The following KRTAP5-7 variants were observed in gnomAD, a reference collection of about 807,000 sequenced individuals.
KRTAP5-7 encodes keratin-associated protein 5-7.
KRTAP5-7 carries 1 observed loss-of-function variant against 2.4 expected under a neutral mutation model. The ratio of observed to expected loss-of-function variants is 0.42; its 90% CI spans 0.15 to 2.01. The LOEUF is 2.01. Ranked by LOEUF, KRTAP5-7 falls within the 30% of genes most tolerant of loss-of-function variation. KRTAP5-7 has a pLI of 0.29. For missense variants in KRTAP5-7, 161 were observed against 200.8 expected (o/e 0.80, Z 1.20); for synonymous variants, 55 against 80.8 (o/e 0.68, Z 1.71).
Position 71,527,973 on chromosome 11 carries a change from T to A in KRTAP5-7, c.*175T>A. ...TCCACCCTAATTAATGTCCATTCCC[T>A]CCTAACAAATTCTCTTCCCAAGTCA... On this transcript the variant is annotated 3_prime_UTR_variant, in exon 1 of 1. Coordinates refer to ENST00000398536, the MANE Select transcript of KRTAP5-7 (RefSeq NM_001012503.2). The A allele has an allele frequency of 1.6e-6, 2 of 1,240,024 alleles. No individual in the cohort carries two copies. Among genetic ancestry groups the A allele is most frequent in the East Asian group, 2.4e-5 (1 of 41,218 alleles). 76.8% of individuals were successfully genotyped at this position (1,240,024 alleles called of 1,614,324 possible).
chr11:71,527,388 G>A lies in KRTAP5-7; in HGVS notation c.88G>A (p.Gly30Arg), dbSNP rs751838090. Residue 30 changes from glycine to arginine, a missense_variant, in exon 1 of 1, where the codon GGA becomes AGA. Transcript: ENST00000398536. ...TGGGGGCTGTGGCTCTGGCTGTGGG[G>A]GATGTGGCTCCAGCTGCTGTGTGCC... Reference protein sequence around the residue: ...GCGGCGSGCGGCGSSCCVPVC... With the variant: ...GCGGCGSGCGRCGSSCCVPVC... 21 of 1,611,622 alleles carry A rather than the reference G, an allele frequency of 1.3e-5. No homozygotes were observed. In the African/African-American group the frequency reaches 2.7e-4, roughly 21 times the overall value.
chr11:71,527,918 C>A lies in KRTAP5-7; in HGVS notation c.*120C>A. 6.5e-7 allele frequency: 1 copy of A among 1,536,230 alleles called. No individual in the cohort carries two copies. ...GTCCATTCCTCACTATAAGATGAAG[C>A]CATATCTGCCTGCCTTTTCCTAAGG... On this transcript the variant is annotated 3_prime_UTR_variant, in exon 1 of 1. Coordinates refer to ENST00000398536, the MANE Select transcript of KRTAP5-7 (RefSeq NM_001012503.2).
chr11:71,528,142 G>A lies in KRTAP5-7; in HGVS notation c.*344G>A, dbSNP rs1565617011. 2 of 414,254 alleles carry A rather than the reference G, an allele frequency of 4.8e-6. No individual in the cohort carries two copies. The highest frequency in any genetic ancestry group is 9.1e-6 in the Non-Finnish European group (2 of 219,526). 25.7% of individuals were successfully genotyped at this position (414,254 alleles called of 1,614,324 possible). ...ATGAGTGTCCCACCTGCAACAAGGT[G>A]GGCGTTTAAGAGGCTTCCTTGGAGT... is the stretch of plus-strand genomic sequence containing the variant. On this transcript the variant is annotated 3_prime_UTR_variant, in exon 1 of 1. Transcript: ENST00000398536.
Position 71,527,584 on chromosome 11 carries a change from G to A in KRTAP5-7, c.284G>A (p.Cys95Tyr). 6.2e-7 allele frequency: 1 copy of A among 1,608,846 alleles called. No homozygotes were observed. Among genetic ancestry groups the A allele is most frequent in the Non-Finnish European group, 8.5e-7 (1 of 1,177,630 alleles). The change falls in exon 1 of 1, where the codon TGC (cysteine) becomes TAC (tyrosine). Residue 95 changes from cysteine to tyrosine, a missense_variant. Cys to Tyr is a radical substitution (Grantham distance 194). This residue lies in a region of KRTAP5-7 where 17 missense variants were observed against 26.8 expected (regional missense o/e 0.63). Transcript: ENST00000398536. ...TGTGGTTCTTGTGGCTGCTCCCAGT[G>A]CAGCTGCTATAAGCCCTGCTGCTGC... is the stretch of plus-strand genomic sequence containing the variant. The part of the protein sequence containing the change: ...GGCGSCGCSQ[C>Y]SCYKPCCCSS...
rs200121713 is a variant in KRTAP5-7 at position 71,527,775 on chromosome 11, G to A, written c.475G>A (p.Val159Met). The change falls in exon 1 of 1, where the codon GTG becomes ATG. Residue 159 changes from valine to methionine, a missense_variant. Coordinates refer to ENST00000398536, the MANE Select transcript of KRTAP5-7 (RefSeq NM_001012503.2). Reference protein sequence around the residue: ...CCSQSSCCVPVCCQCKI With the variant: ...CCSQSSCCVPMCCQCKI Reference sequence around the variant, plus strand: ...CTCCCAGTCTAGCTGCTGTGTCCCCGTGTGCTGCCAGTGTAAGATCTGAGG... The same window carrying A: ...CTCCCAGTCTAGCTGCTGTGTCCCCATGTGCTGCCAGTGTAAGATCTGAGG... 2.4e-5 allele frequency: 38 copies of A among 1,564,494 alleles called. No homozygotes were observed. The highest frequency in any genetic ancestry group is 1.7e-4 in the Middle Eastern group (1 of 5,842).
rs1243129010 is a variant in KRTAP5-7, at chr11:71,527,721, T to C, written c.421T>C (p.Cys141Arg). ...CCSSGCGSSC[C>R]QSSCCNPCCS... is the part of the protein sequence containing the mutation. Reference sequence around the variant, plus strand: ...TTCCTCAGGCTGTGGGTCATCCTGCTGCCAGTCCAGTTGCTGCAATCCCTG... The same window carrying C: ...TTCCTCAGGCTGTGGGTCATCCTGCCGCCAGTCCAGTTGCTGCAATCCCTG... Residue 141 changes from cysteine to arginine, a missense_variant, in exon 1 of 1, where the codon TGC becomes CGC. Physicochemically the swap from Cys to Arg is radical, Grantham distance 180 (BLOSUM62 -3). Coordinates refer to ENST00000398536, the MANE Select transcript of KRTAP5-7 (RefSeq NM_001012503.2). The C allele has an allele frequency of 1.2e-6, 2 of 1,611,952 alleles. No homozygotes were observed. The highest frequency in any genetic ancestry group is 8.5e-7 in the Non-Finnish European group (1 of 1,178,822).
Position 71,528,172 on chromosome 11 carries a change from T to G in KRTAP5-7, c.*374T>G. 1 of 365,804 alleles carries G rather than the reference T, an allele frequency of 2.7e-6. No homozygotes were observed. The highest frequency in any genetic ancestry group is 5.3e-6 in the Non-Finnish European group (1 of 189,452). The allele number at this position is 365,804 out of a possible 1,614,324, so 22.7% of individuals were successfully genotyped here. On this transcript the variant is annotated 3_prime_UTR_variant, in exon 1 of 1. Coordinates refer to ENST00000398536, the MANE Select transcript of KRTAP5-7 (RefSeq NM_001012503.2). ...TTTAAGAGGCTTCCTTGGAGTGGCT[T>G]TGCCTGTCCAACACTCTGCTTTATC...
Position 71,527,492 on chromosome 11 carries a change from G to T in KRTAP5-7, c.192G>T (p.Lys64Asn). 1 of 1,544,038 alleles carries T rather than the reference G, an allele frequency of 6.5e-7. No homozygotes were observed. Among genetic ancestry groups the T allele is most frequent in the African/African-American group, 1.4e-5 (1 of 73,856 alleles). Residue 64 changes from lysine to asparagine, a missense_variant, in exon 1 of 1, where the codon AAG becomes AAT. Physicochemically the swap from Lys to Asn is moderately conservative, Grantham distance 94. Transcript: ENST00000398536. ...GCTGTGGCTCCTGTGGGGGCTCCAA[G>T]GGAGGCTGTGGCTCCTGTGGGGGCT... ...CSSCGSCGGS[K>N]GGCGSCGGSK...
Position 71,527,573 on chromosome 11 carries a change from C to T in KRTAP5-7, c.273C>T (p.Gly91=), listed in dbSNP as rs1250701564. Residue 91 remains glycine (G), a synonymous_variant, in exon 1 of 1, where the codon GGC becomes GGT. Coordinates refer to ENST00000398536, the MANE Select transcript of KRTAP5-7 (RefSeq NM_001012503.2). ...GGSKGGCGSC[G]CSQCSCYKPC... is the part of the protein sequence containing the mutation. ...CTAAGGGGGGCTGTGGTTCTTGTGG[C>T]TGCTCCCAGTGCAGCTGCTATAAGC... The T allele has an allele frequency of 6.2e-7, 1 of 1,613,926 alleles. No homozygotes were observed. The highest frequency in any genetic ancestry group is 2.2e-5 in the East Asian group (1 of 44,882).
rs188063752 is a variant in KRTAP5-7, at chr11:71,527,858, G to A, written c.*60G>A. The A allele has an allele frequency of 1.2e-6, 2 of 1,608,606 alleles. No homozygotes were observed. Among genetic ancestry groups the A allele is most frequent in the East Asian group, 4.5e-5 (2 of 44,828 alleles). On this transcript the variant is annotated 3_prime_UTR_variant, in exon 1 of 1. Transcript: ENST00000398536. ...ACCCCATTTTCCGAAGCTGTGACCT[G>A]TCCTTCATCGTTGAGCCCCAAACCA... is the stretch of plus-strand genomic sequence containing the variant.
Sources: gnomAD v4.1 joint callset for allele counts on GRCh38, gnomAD v4.1.1 for gene constraint, gnomAD v4.1.1 regional missense constraint, MANE v1.5 for transcripts, NCBI Gene and HGNC (gene_info 2026-07-23, HGNC 2026-07-21) for gene names.